SRI: variants seen among roughly 807,000 people sequenced by gnomAD.
SRI encodes the protein sorcin.
In SRI, 30 loss-of-function variants were observed where a neutral mutation model predicts 33.3. That is an observed-to-expected ratio of 0.90 (90% CI 0.67 to 1.22). The LOEUF (loss-of-function observed/expected upper bound fraction) is 1.22, where lower values mean the gene tolerates loss of function less well. Among genes scored for constraint, SRI ranks in the 50% most tolerant of loss-of-function variants. The pLI is 0.00. For synonymous variants in SRI, 75 were observed against 89.9 expected (o/e 0.83, Z 0.94); for missense variants, 243 against 250.8 (o/e 0.97, Z 0.21).
At position 88,209,345 on chromosome 7, in the gene SRI, G is replaced by C; in HGVS notation, c.505C>G (p.Leu169Val). The change falls in exon 6 of 8, where the codon CTT becomes GTT. Residue 169 changes from leucine (L) to valine (V), a missense_variant. Coordinates refer to ENST00000265729, the MANE Select transcript of SRI (RefSeq NM_003130.4). ...ACGACCTTATAGAACTCACCTGTAA[G>C]AGCCCTCAGTTTGACGCAGCAGGCG... ...YIACCVKLRA[L>V]TDSFRRRDTA... The C allele has an allele frequency of 6.2e-7, 1 of 1,613,660 alleles. No individual in the cohort carries two copies. The highest frequency in any genetic ancestry group is 8.5e-7 in the Non-Finnish European group (1 of 1,179,600).
intron 3 of SRI, among the ~76,000 whole-genome samples, 165 bp downstream of exon 3, chr7:88,216,957 G>A (rs1851735761): frequency 6.6e-6 from 1 of 152,082 alleles, no homozygotes; most frequent in Non-Finnish European, 1.5e-5. Context: ...TTTAAAAACT[G>A]TTTTCAAATC....
At chr7:88,225,021 G>A (rs1372210420), upstream of SRI, among the ~76,000 whole-genome samples, 2 of 152,244 alleles carry the variant, frequency 1.3e-5, no homozygotes, top group South Asian at 2.1e-4. Flanking sequence ...CTCCTCCCTG[G>A]AACTCAGAGA....
At chr7:88,216,042 A>G (rs1025072021) in intron 3 of SRI, among the ~76,000 whole-genome samples, 1 of 152,212 alleles carries the variant, frequency 6.6e-6, no homozygotes, top group Admixed American at 6.5e-5. Context: ...CAGTGGCACA[A>G]TCTTGGCTCA....
Position 88,206,259 on chromosome 7 carries a change from G to A in SRI, c.*219C>T, listed in dbSNP as rs1223401791. 2 of 597,398 alleles carry A rather than the reference G, an allele frequency of 3.3e-6. No homozygotes were observed. The highest frequency in any genetic ancestry group is 5.9e-6 in the Non-Finnish European group (2 of 336,566). The allele number at this position is 597,398 out of a possible 1,614,324, so 37.0% of individuals were successfully genotyped here. A position where few individuals can be genotyped will look rare whatever the true frequency, so the allele number is the denominator to read the frequency against. On this transcript the variant is annotated 3_prime_UTR_variant, in exon 8 of 8. Transcript: ENST00000265729. ...GCATGACTGATAATGGCTCAGGAAA[G>A]TTCTAAATGGTGTAACAGACTAGAT...
At chr7:88,218,400 T>G (rs1383435359) in intron 2 of SRI, among the ~76,000 whole-genome samples, 1 of 152,206 alleles carries the variant, frequency 6.6e-6, no homozygotes, top group Non-Finnish European at 1.5e-5. Flanking sequence ...AAGATTAACT[T>G]TCTGATACTA....
chr7:88,218,767 C>T, intron 2 of SRI, 92 bp downstream of exon 2: 4 of 1,225,086 alleles, frequency 3.3e-6, no homozygotes, highest in Non-Finnish European at 4.8e-6. Context: ...GGACTCAGTA[C>T]CACAGGAAGT....
At chr7:88,214,298 C>A (rs1209694463) in intron 3 of SRI, among the ~76,000 whole-genome samples, 2 of 152,152 alleles carry the variant, frequency 1.3e-5, no homozygotes, top group Non-Finnish European at 2.9e-5. Context: ...ATATGACTTT[C>A]AAAGAGTACA....
intron 2 of SRI, among the ~76,000 whole-genome samples, chr7:88,218,193 G>A (rs1488175318): frequency 6.6e-6 from 1 of 152,142 alleles, no homozygotes; most frequent in Non-Finnish European, 1.5e-5. Flanking sequence ...CTAGGGAAGT[G>A]TCCTCTCTCA....
intron 1 of SRI, chr7:88,226,869 C>T: frequency 1.2e-6 from 2 of 1,601,064 alleles, no homozygotes; most frequent in Non-Finnish European, 8.6e-7. Context: ...ATTGGAGCTG[C>T]ATGGAATAGT....
chr7:88,222,838 C>CA (rs1851919062), upstream of SRI, among the ~76,000 whole-genome samples: 1 of 152,000 alleles, frequency 6.6e-6, no homozygotes, highest in Admixed American at 6.6e-5. Context: ...ACACCTTATA[C>CA]AAAAATCAAT....
In SRI at chr7:88,206,506, T is replaced by C. The variant is rs749861423; in HGVS notation, c.571-2A>G. 6.2e-7 allele frequency: 1 copy of C among 1,613,792 alleles called. No homozygotes were observed. The highest frequency in any genetic ancestry group is 1.1e-5 in the South Asian group (1 of 91,072). ...AACACTCATGACACATTGAATGAAC[T>C]GAAAGAAAAATCAGCATTATATGAC... On this transcript the variant is annotated splice_acceptor_variant, in intron 7 of 7. Coordinates refer to ENST00000265729, the MANE Select transcript of SRI (RefSeq NM_003130.4). LOFTEE classifies it high-confidence loss of function.
chr7:88,215,016 G>C lies in SRI; in HGVS notation c.205+2106C>G, dbSNP rs1474906372. On this transcript the variant is annotated intron_variant, in intron 3 of 7. Coordinates refer to ENST00000265729, the MANE Select transcript of SRI (RefSeq NM_003130.4). Reference sequence around the variant, plus strand: ...ACTTCTCTCACCAACTCCACCTCTAGGTATGACTGCTTCCTTTTAAACTGG... The same window carrying C: ...ACTTCTCTCACCAACTCCACCTCTACGTATGACTGCTTCCTTTTAAACTGG... The C allele has an allele frequency of 1.5e-5, 7 of 455,652 alleles. No homozygotes were observed. The Admixed American group carries it at 1.7e-4, about 11-fold the overall frequency. 28.2% of individuals were successfully genotyped at this position (455,652 alleles called of 1,614,324 possible).
At chr7:88,217,316 CT>C (rs545627768) in intron 2 of SRI, 125 bp from the exon 3 acceptor site, 135 of 806,692 alleles carry the variant, frequency 1.7e-4, no homozygotes, top group Non-Finnish European at 2.4e-4. Flanking sequence ...AAAGGAATGC[CT>C]TTTTTTTATT....
chr7:88,210,646 G>GT, intron 4 of SRI: 2 of 501,748 alleles, frequency 4.0e-6, no homozygotes, highest in Non-Finnish European at 7.3e-6. Flanking sequence ...TCTGGACTCT[G>GT]TACTTGTTCT....
At chr7:88,217,783 T>C (rs1201790926) in intron 2 of SRI, among the ~76,000 whole-genome samples, 1 of 152,214 alleles carries the variant, frequency 6.6e-6, no homozygotes, top group Non-Finnish European at 1.5e-5. Context: ...ACAATGGGTA[T>C]GCTGAATACA....
At chr7:88,209,928 T>C in intron 5 of SRI, 55 bp downstream of exon 5, 1 of 1,612,430 alleles carries the variant, frequency 6.2e-7, no homozygotes, top group Non-Finnish European at 8.5e-7. Flanking sequence ...GTTTTAAAAA[T>C]AAAAATCAAC....
rs779760808 is a variant in SRI at position 88,210,112 on chromosome 7, T to C, written c.268A>G (p.Met90Val). The change falls in exon 5 of 8, where the codon ATG (methionine) becomes GTG (valine). Residue 90 changes from methionine to valine, a missense_variant. By Grantham distance (21) the Met-to-Val change is conservative. Transcript: ENST00000265729. ...AGTTCTTTAAATTCATTGAAACCCA[T>C]TGTGCCAGACATATCTCTCTGAACT... ...SMLDRDMSGT[M>V]GFNEFKELWA... 7.4e-6 allele frequency: 12 copies of C among 1,614,110 alleles called. No homozygotes were observed. Among genetic ancestry groups the C allele is most frequent in the South Asian group, 1.1e-5 (1 of 91,086 alleles).
At chr7:88,209,726 T>C (rs1025192024) in intron 5 of SRI, among the ~76,000 whole-genome samples, 1 of 152,048 alleles carries the variant, frequency 6.6e-6, no homozygotes, top group African/African-American at 2.4e-5. Context: ...GTGATTCTCC[T>C]GTCTTAGCCT....
intron 6 of SRI, 75 bp downstream of exon 6, chr7:88,209,264 A>T (rs1851508540): frequency 8.2e-7 from 1 of 1,221,924 alleles, no homozygotes. Flanking sequence ...ATAAAAGTTG[A>T]GAAGCACTGA....
Sources: gnomAD v4.1 joint callset for allele counts (sites outside exome capture counted in the v4.1 genomes callset) on GRCh38, gnomAD v4.1.1 for gene constraint, MANE v1.5 for transcripts, NCBI Gene and HGNC (gene_info 2026-07-23, HGNC 2026-07-21) for gene names.